ADCY8: variants seen among roughly 807,000 people sequenced by gnomAD.
ADCY8 encodes the protein adenylate cyclase 8, also known as adenylate cyclase type 8.
In ADCY8, 51 loss-of-function variants were observed where a neutral mutation model predicts 119.7. The ratio of observed to expected loss-of-function variants is 0.43; its 90% CI spans 0.34 to 0.54. The LOEUF is 0.54. ADCY8 is among the 20% of genes least tolerant of loss of function. The pLI is 0.03. For missense variants in ADCY8, 1,383 were observed against 1,598.8 expected (o/e 0.87, Z 2.30); for synonymous variants, 665 against 651.0 (o/e 1.02, Z -0.33).
chr8:130,821,787 AC>A (rs1393389049), intron 12 of ADCY8, among the ~76,000 whole-genome samples: 18 of 152,312 alleles, frequency 1.2e-4, no homozygotes, highest in Middle Eastern at 3.4e-3. Flanking sequence ...TGCTAAAAAA[AC>A]CTTCCCAGCT....
In ADCY8 at chr8:131,040,246, C is replaced by A. The variant is rs531517274; in HGVS notation, c.88G>T (p.Ala30Ser). ...CACAGCAGCCGCTGCGGCCGGGAGG[C>A]GCTCCTGCCGTCGCCGGCCGGGGGC... ...PTPPAGDGRSASRPQRLLWQT... is the reference protein window; with the variant it reads ...PTPPAGDGRSSSRPQRLLWQT... The change falls in exon 1 of 18, where the codon GCC becomes TCC. Residue 30 changes from alanine (A) to serine (S), a missense_variant. Coordinates refer to ENST00000286355, the MANE Select transcript of ADCY8 (RefSeq NM_001115.3). The A allele has an allele frequency of 4.5e-5, 70 of 1,547,882 alleles. No individual in the cohort carries two copies. The African/African-American group carries it at 9.4e-4, about 21-fold the overall frequency.
intron 5 of ADCY8, among the ~76,000 whole-genome samples, chr8:130,922,606 C>T (rs1820346896): frequency 6.6e-6 from 1 of 152,010 alleles, no homozygotes; most frequent in South Asian, 2.1e-4. Context: ...CCCATGTCTA[C>T]CTCTTTCTAC....
At position 130,792,847 on chromosome 8, in the gene ADCY8, T is replaced by A. The variant is rs188744137; in HGVS notation, c.3061-7372A>T. Among the ~76,000 whole-genome samples, 52 of 152,314 alleles carry A rather than the reference T, an allele frequency of 3.4e-4. No individual in the cohort carries two copies. The East Asian group carries it at 5.8e-3, about 17-fold the overall frequency. ...ACCCTCGTAGCCATCCCCATCAGTC[T>A]CAGAGTAAAAGCCAAAGCCTTTGCT... On this transcript the variant is annotated intron_variant, in intron 15 of 17. Coordinates refer to ENST00000286355, the MANE Select transcript of ADCY8 (RefSeq NM_001115.3).
At chr8:130,976,414 G>A (rs1237149795) in intron 2 of ADCY8, among the ~76,000 whole-genome samples, 1 of 152,184 alleles carries the variant, frequency 6.6e-6, no homozygotes. Flanking sequence ...ATGACTGCAT[G>A]TGGACAGATA....
chr8:130,965,724 A>T (rs1821742574), intron 2 of ADCY8, among the ~76,000 whole-genome samples: 1 of 152,216 alleles, frequency 6.6e-6, no homozygotes, highest in African/African-American at 2.4e-5. Flanking sequence ...AAGTTTTTTT[A>T]AAAATGGCTC....
chr8:130,891,868 T>C (rs1323802775), intron 7 of ADCY8, among the ~76,000 whole-genome samples: 1 of 152,162 alleles, frequency 6.6e-6, no homozygotes, highest in East Asian at 1.9e-4. Flanking sequence ...CAAGGTATCT[T>C]AGTTAAGATT....
intron 5 of ADCY8, among the ~76,000 whole-genome samples, chr8:130,927,344 G>A (rs868492419): frequency 6.6e-6 from 1 of 152,104 alleles, no homozygotes; most frequent in Non-Finnish European, 1.5e-5. Context: ...CTGATGATTA[G>A]TGATGTTTAA....
Position 130,875,032 on chromosome 8 carries a change from T to G in ADCY8, c.2110-7086A>C, listed in dbSNP as rs140246540. On this transcript the variant is annotated intron_variant, in intron 8 of 17. Coordinates refer to ENST00000286355, the MANE Select transcript of ADCY8 (RefSeq NM_001115.3). ...TCTGTAATTCTATATTACACTGTTA[T>G]AGGTGAAATTGGCACTTCTGACTCT... Among the ~76,000 whole-genome samples, 121 of 152,304 alleles carry G rather than the reference T, an allele frequency of 7.9e-4. No homozygotes were observed. The East Asian group carries it at 0.022, about 28-fold the overall frequency.
chr8:130,818,031 C>A (rs1375849199), intron 13 of ADCY8, among the ~76,000 whole-genome samples: 1 of 152,166 alleles, frequency 6.6e-6, no homozygotes, highest in Non-Finnish European at 1.5e-5. Context: ...AATCATTAAA[C>A]CTGAATCTCA....
chr8:130,805,970 C>A (rs1461133325), intron 14 of ADCY8, among the ~76,000 whole-genome samples: 2 of 152,324 alleles, frequency 1.3e-5, no homozygotes, highest in African/African-American at 4.8e-5. Context: ...TCCAGTGACC[C>A]TGTCTTTCCC....
At chr8:130,951,204 G>C (rs1054796243) in intron 3 of ADCY8, among the ~76,000 whole-genome samples, 1 of 152,210 alleles carries the variant, frequency 6.6e-6, no homozygotes, top group Non-Finnish European at 1.5e-5. Context: ...AGAATTTTGA[G>C]ATTCAGGTAA....
At position 130,821,507 on chromosome 8, in the gene ADCY8, A is replaced by G; in HGVS notation, c.2676-87T>C. The G allele has an allele frequency of 4.1e-6, 4 of 974,484 alleles. No homozygotes were observed. In the South Asian group the frequency reaches 4.2e-5, roughly 10 times the overall value. 60.4% of individuals were successfully genotyped at this position (974,484 alleles called of 1,614,324 possible). A position where few individuals can be genotyped will look rare whatever the true frequency, so the allele number is the denominator to read the frequency against. ...CTGAGGTTCAGAAAGGAGTGGTATA[A>G]AAAGAAAAAAACACACATCTTTTCA... On this transcript the variant is annotated intron_variant, in intron 12 of 17. Transcript: ENST00000286355.
chr8:130,997,562 T>C (rs531432553), intron 1 of ADCY8, among the ~76,000 whole-genome samples: 1 of 152,048 alleles, frequency 6.6e-6, no homozygotes, highest in Admixed American at 6.6e-5. Context: ...CTGGAACCAA[T>C]GAGAAAAAAA....
chr8:130,905,237 G>T (rs1367681202), intron 6 of ADCY8, among the ~76,000 whole-genome samples: 1 of 152,128 alleles, frequency 6.6e-6, no homozygotes, highest in Non-Finnish European at 1.5e-5. Flanking sequence ...TGTATTCCAT[G>T]CCTTCTCAAG....
At position 130,861,393 on chromosome 8, in the gene ADCY8, C is replaced by G. The variant is rs73344568; in HGVS notation, c.2210+6453G>C. 2.0e-3 allele frequency among the ~76,000 whole-genome samples: 303 copies of G among 152,154 alleles called. 2 individuals carry two copies. The highest frequency in any genetic ancestry group is 7.2e-3 in the African/African-American group (298 of 41,538). ...TATTTCATCAGTGTTTTGAAGATTT[C>G]TTGTACAAATTTTGTTAAATTTATA... On this transcript the variant is annotated intron_variant, in intron 9 of 17. Coordinates refer to ENST00000286355, the MANE Select transcript of ADCY8 (RefSeq NM_001115.3).
Position 130,821,336 on chromosome 8 carries a change from G to C in ADCY8, c.2754+6C>G. On this transcript the variant is annotated splice_donor_region_variant and intron_variant, in intron 13 of 17. Coordinates refer to ENST00000286355, the MANE Select transcript of ADCY8 (RefSeq NM_001115.3). ...ACAGAGCAGTCAGAGCGAAATGTTA[G>C]ATTACCTGCTGTCCATGGTAGAACA... 6.2e-7 allele frequency: 1 copy of C among 1,611,652 alleles called. No individual in the cohort carries two copies.
chr8:130,957,758 A>G (rs1040288525), intron 2 of ADCY8, among the ~76,000 whole-genome samples: 1 of 152,220 alleles, frequency 6.6e-6, no homozygotes, highest in African/African-American at 2.4e-5. Context: ...GTCAATGTAG[A>G]GCTCAGGCCG....
intron 11 of ADCY8, among the ~76,000 whole-genome samples, chr8:130,837,811 G>A (rs548372673): frequency 6.6e-6 from 1 of 152,302 alleles, no homozygotes; most frequent in South Asian, 2.1e-4. Context: ...AAAGTAACTG[G>A]TCAAGATGGG....
At chr8:131,002,703 A>G (rs868557342) in intron 1 of ADCY8, among the ~76,000 whole-genome samples, 1 of 152,154 alleles carries the variant, frequency 6.6e-6, no homozygotes, top group Non-Finnish European at 1.5e-5. Context: ...CAGCTAAAAA[A>G]GTAAATAAAA....
Sources: allele counts gnomAD v4.1 joint callset (sites outside exome capture counted in the v4.1 genomes callset), GRCh38; gene constraint gnomAD v4.1.1; transcripts MANE v1.5; gene names NCBI Gene and HGNC (gene_info 2026-07-23, HGNC 2026-07-21).